RSRC1: variants seen among roughly 807,000 people sequenced by gnomAD.
RSRC1 encodes the protein serine/Arginine-related protein 53.
A neutral mutation model predicts 49.1 loss-of-function variants in RSRC1; 39 were observed. The observed-to-expected ratio is 0.79, with a 90% confidence interval of 0.61 to 1.04. The LOEUF (loss-of-function observed/expected upper bound fraction) is 1.04. Among genes scored for constraint, RSRC1 ranks in the 50% least tolerant of loss-of-function variants. RSRC1 has a pLI of 0.00. For missense variants in RSRC1, 388 were observed against 402.4 expected, an observed-to-expected ratio of 0.96 and a Z score of 0.31; for synonymous variants, 143 against 130.8, an observed-to-expected ratio of 1.09 and a Z score of -0.63.
intron 8 of RSRC1, among the ~76,000 whole-genome samples, chr3:158,541,530 C>A (rs951415933): frequency 2.0e-5 from 3 of 152,182 alleles, no homozygotes; most frequent in Non-Finnish European, 4.4e-5. Flanking sequence ...ATAAATGGAT[C>A]TCCAACTCTA....
chr3:158,321,255 T>A (rs1728739343), intron 5 of RSRC1, among the ~76,000 whole-genome samples: 1 of 143,048 alleles, frequency 7.0e-6, no homozygotes, highest in African/African-American at 2.6e-5. Context: ...CTCTTCCTTC[T>A]TCTTCTTTTT....
intron 7 of RSRC1, among the ~76,000 whole-genome samples, chr3:158,530,912 A>AT (rs1712357037): frequency 4.1e-5 from 5 of 120,772 alleles, no homozygotes; most frequent in Non-Finnish European, 8.8e-5. Context: ...AAAATAATAA[A>AT]TAAAAAAAAA....
intron 3 of RSRC1, among the ~76,000 whole-genome samples, chr3:158,137,517 G>A (rs1473737677): frequency 6.6e-6 from 1 of 151,818 alleles, no homozygotes; most frequent in Admixed American, 6.6e-5. Flanking sequence ...AAAATTCATT[G>A]TTTAGATCTA....
intron 3 of RSRC1, among the ~76,000 whole-genome samples, chr3:158,129,430 A>G (rs1034768725): frequency 1.3e-5 from 2 of 150,946 alleles, no homozygotes; most frequent in African/African-American, 4.9e-5. Context: ...AGCTGGGATT[A>G]CAGGTGCCCA....
Position 158,371,427 on chromosome 3 carries a change from CT to C in RSRC1, c.583+16528del, listed in dbSNP as rs374867341. On this transcript the variant is annotated intron_variant, in intron 6 of 9. Transcript: ENST00000611884. ...CTCCTGACTCCTAGAAACCACTGATCTTTTTTTTTGTCCTTACACTTGAATT... is the reference window on the plus strand; with the variant it reads ...CTCCTGACTCCTAGAAACCACTGATCTTTTTTTTGTCCTTACACTTGAATT... 5.8e-3 allele frequency among the ~76,000 whole-genome samples: 883 copies of C among 150,978 alleles called. 14 individuals are homozygous for C. Among genetic ancestry groups the C allele is most frequent in the African/African-American group, 0.02 (839 of 41,194 alleles).
intron 6 of RSRC1, among the ~76,000 whole-genome samples, chr3:158,408,819 G>A (rs978298144): frequency 1.3e-5 from 2 of 151,990 alleles, no homozygotes; most frequent in South Asian, 4.2e-4. Flanking sequence ...ATCACTTGAG[G>A]CCAGGAGTTT....
At chr3:158,377,558 G>A (rs946520696) in intron 6 of RSRC1, among the ~76,000 whole-genome samples, 1 of 152,048 alleles carries the variant, frequency 6.6e-6, no homozygotes, top group African/African-American at 2.4e-5. Context: ...CCTTTCCTGA[G>A]GCCTTATTAG....
At chr3:158,409,531 A>G (rs755907801) in intron 6 of RSRC1, among the ~76,000 whole-genome samples, 10 of 152,094 alleles carry the variant, frequency 6.6e-5, no homozygotes, top group Admixed American at 1.3e-4. Flanking sequence ...TTTATGTCTG[A>G]TTAGTGGGTT....
chr3:158,231,360 T>C (rs76446067), intron 4 of RSRC1, among the ~76,000 whole-genome samples: 11,581 of 151,924 alleles, frequency 0.076, 532 homozygotes, highest in South Asian at 0.13. Context: ...GGTCTCAAAC[T>C]CCTGCACTCA....
At chr3:158,229,407 C>T (rs1232237283) in intron 4 of RSRC1, among the ~76,000 whole-genome samples, 4 of 145,166 alleles carry the variant, frequency 2.8e-5, no homozygotes, top group African/African-American at 1.0e-4. Context: ...CACATACACA[C>T]GTATATGTGT....
At chr3:158,266,373 A>G (rs1725174290) in intron 4 of RSRC1, among the ~76,000 whole-genome samples, 1 of 152,110 alleles carries the variant, frequency 6.6e-6, no homozygotes, top group African/African-American at 2.4e-5. Flanking sequence ...ACTACTTTTA[A>G]TTGTTATATA....
Position 158,294,468 on chromosome 3 carries a change from A to C in RSRC1, c.495-3571A>C, listed in dbSNP as rs368985615. On this transcript the variant is annotated intron_variant, in intron 4 of 9. Transcript: ENST00000611884. ...TAGTTTATTCTCTTTTCTCTGGATA[A>C]GATTATTATTTTTTAAAATTCTGGT... Among the ~76,000 whole-genome samples, 23 of 152,142 alleles carry C rather than the reference A, an allele frequency of 1.5e-4. No individual in the cohort carries two copies. In the South Asian group the frequency reaches 4.8e-3, roughly 32 times the overall value.
intron 7 of RSRC1, among the ~76,000 whole-genome samples, chr3:158,531,487 A>G (rs996156064): frequency 5.9e-5 from 9 of 151,992 alleles, no homozygotes; most frequent in African/African-American, 1.9e-4. Context: ...AATCTGATAT[A>G]GTAAGCAGTT....
At chr3:158,138,449 T>A (rs1274896058) in intron 3 of RSRC1, among the ~76,000 whole-genome samples, 3 of 152,308 alleles carry the variant, frequency 2.0e-5, no homozygotes, top group Admixed American at 6.5e-5. Flanking sequence ...ACGGAAAGAT[T>A]GAGAGAATTC....
intron 5 of RSRC1, among the ~76,000 whole-genome samples, chr3:158,301,886 C>G (rs149907697): frequency 6.6e-5 from 10 of 152,118 alleles, no homozygotes; most frequent in African/African-American, 2.4e-4. Flanking sequence ...ATGTGTCACT[C>G]TCTTGCTTTC....
intron 3 of RSRC1, among the ~76,000 whole-genome samples, chr3:158,202,297 C>T (rs913153125): frequency 2.0e-5 from 3 of 151,900 alleles, no homozygotes; most frequent in African/African-American, 7.3e-5. Context: ...TTACAGGCGT[C>T]AGCTGCTGCA....
intron 3 of RSRC1, among the ~76,000 whole-genome samples, chr3:158,148,807 G>C: frequency 6.6e-6 from 1 of 150,470 alleles, no homozygotes; most frequent in African/African-American, 2.4e-5. Flanking sequence ...TTTTGAGATG[G>C]AGTTTCACTC....
At chr3:158,515,738 A>G (rs1306565593) in intron 7 of RSRC1, among the ~76,000 whole-genome samples, 3 of 150,134 alleles carry the variant, frequency 2.0e-5, no homozygotes, top group Non-Finnish European at 4.4e-5. Context: ...AGGTACACCA[A>G]TCAGACGTAG....
In RSRC1 at chr3:158,452,380, A is replaced by G. The variant is rs1209766203; in HGVS notation, c.584-8555A>G. Among the ~76,000 whole-genome samples, 3 of 152,212 alleles carry G rather than the reference A, an allele frequency of 2.0e-5. No homozygotes were observed. The East Asian group carries it at 5.8e-4, about 29-fold the overall frequency. On this transcript the variant is annotated intron_variant, in intron 6 of 9. Coordinates refer to ENST00000611884, the MANE Select transcript of RSRC1 (RefSeq NM_001271838.2). ...ATCTTTTTTACTCACACTGATTTTT[A>G]AAACATGACAATATTTAAACTGAAT...
Sources: gnomAD v4.1 joint callset for allele counts (sites outside exome capture counted in the v4.1 genomes callset) on GRCh38, gnomAD v4.1.1 for gene constraint, MANE v1.5 for transcripts, NCBI Gene and HGNC (gene_info 2026-07-23, HGNC 2026-07-21) for gene names.